HNMT: variants seen among roughly 807,000 people sequenced by gnomAD.
The protein encoded by HNMT is histamine N-methyltransferase.
HNMT carries 30 observed loss-of-function variants against 32.1 expected under a neutral mutation model. The ratio of observed to expected loss-of-function variants is 0.93; its 90% CI spans 0.70 to 1.27. The LOEUF is 1.27. Ranked by LOEUF, HNMT falls within the 50% of genes most tolerant of loss-of-function variation. The pLI is 0.00. For synonymous variants in HNMT, 125 were observed against 119.0 expected (o/e 1.05, Z -0.33); for missense variants, 327 against 346.0 (o/e 0.95, Z 0.43).
At chr2:137,967,729 C>T (rs1273969615) in intron 1 of HNMT, 1 of 152,132 alleles carries the variant, frequency 6.6e-6, no homozygotes, top group African/African-American at 2.4e-5. Context: ...TCTTATATTT[C>T]CAGTTTGCTA....
intron 1 of HNMT, among the ~76,000 whole-genome samples, chr2:137,968,572 T>C (rs1680029009): frequency 6.6e-6 from 1 of 152,234 alleles, no homozygotes; most frequent in Admixed American, 6.5e-5. Context: ...AATAACTTGC[T>C]CAAGGTAACA....
chr2:138,009,750 T>G (rs901190317), intron 5 of HNMT, among the ~76,000 whole-genome samples: 4 of 152,064 alleles, frequency 2.6e-5, no homozygotes, highest in Non-Finnish European at 5.9e-5. Context: ...CTTTCAATGA[T>G]GTAGCTTCAA....
chr2:137,987,832 A>G (rs1020394350), intron 2 of HNMT, among the ~76,000 whole-genome samples: 1 of 152,132 alleles, frequency 6.6e-6, no homozygotes, highest in African/African-American at 2.4e-5. Flanking sequence ...AGATCAGGAA[A>G]GACAAGTGTG....
intron 2 of HNMT, among the ~76,000 whole-genome samples, chr2:137,977,124 A>C (rs1403417332): frequency 1.3e-5 from 2 of 152,228 alleles, no homozygotes; most frequent in East Asian, 3.8e-4. Context: ...AATGGGCTTA[A>C]ACAGGTAAAA....
chr2:138,010,287 T>C (rs751840800), intron 5 of HNMT, among the ~76,000 whole-genome samples: 3 of 151,534 alleles, frequency 2.0e-5, no homozygotes, highest in Non-Finnish European at 4.4e-5. Context: ...CCTTATGATA[T>C]CAGAACTACA....
intron 1 of HNMT, among the ~76,000 whole-genome samples, chr2:137,965,571 T>C (rs1679931607): frequency 6.6e-6 from 1 of 152,174 alleles, no homozygotes; most frequent in Non-Finnish European, 1.5e-5. Flanking sequence ...TTTAACATGA[T>C]TCAGATTTTA....
chr2:137,981,219 G>T, intron 2 of HNMT: 10 of 1,613,450 alleles, frequency 6.2e-6, no homozygotes, highest in South Asian at 1.1e-5. Context: ...CCTGCAGATT[G>T]TCTCATTCGG....
intron 2 of HNMT, among the ~76,000 whole-genome samples, chr2:137,983,833 G>A (rs985462240): frequency 6.6e-6 from 1 of 152,212 alleles, no homozygotes; most frequent in African/African-American, 2.4e-5. Flanking sequence ...CAGTAAAGGA[G>A]AATTTATAAC....
chr2:138,014,520 A>G lies in HNMT; in HGVS notation c.*390A>G, dbSNP rs1049701004. ...ATGCACTAATCAATACTTTGAACAC[A>G]AAGCCTGTGTTACTGATTTGGCCGT... On this transcript the variant is annotated 3_prime_UTR_variant, in exon 6 of 6. Coordinates refer to ENST00000280097, the MANE Select transcript of HNMT (RefSeq NM_006895.3). 1.9e-5 allele frequency: 3 copies of G among 159,272 alleles called. No homozygotes were observed. The highest frequency in any genetic ancestry group is 7.2e-5 in the African/African-American group (3 of 41,778). The allele number at this position is 159,272 out of a possible 1,614,324, so 9.9% of individuals were successfully genotyped here. A position where few individuals can be genotyped will look rare whatever the true frequency, so the allele number is the denominator to read the frequency against.
chr2:137,987,914 G>C (rs1228886482), intron 2 of HNMT, among the ~76,000 whole-genome samples: 1 of 152,072 alleles, frequency 6.6e-6, no homozygotes, highest in Non-Finnish European at 1.5e-5. Context: ...GCTGCTTCTG[G>C]GCTCTGTGGG....
intron 5 of HNMT, among the ~76,000 whole-genome samples, chr2:138,008,708 T>C (rs539549858): frequency 1.4e-3 from 211 of 152,082 alleles, no homozygotes; most frequent in African/African-American, 4.7e-3. Flanking sequence ...GGTGGTGGGA[T>C]AACTGGCTAG....
intron 2 of HNMT, among the ~76,000 whole-genome samples, chr2:137,977,280 G>A (rs957994591): frequency 7.9e-5 from 12 of 152,132 alleles, no homozygotes; most frequent in African/African-American, 2.9e-4. Context: ...GGGCAAATTT[G>A]TATCTTGCCA....
chr2:138,013,145 C>A (rs1681560252), intron 5 of HNMT, among the ~76,000 whole-genome samples: 1 of 152,096 alleles, frequency 6.6e-6, no homozygotes, highest in South Asian at 2.1e-4. Flanking sequence ...AGTCCTAAGC[C>A]ACCTTTCAAG....
At chr2:137,987,209 T>C (rs1017183730) in intron 2 of HNMT, among the ~76,000 whole-genome samples, 7 of 152,084 alleles carry the variant, frequency 4.6e-5, no homozygotes, top group African/African-American at 1.7e-4. Flanking sequence ...GGGTCAAAAA[T>C]AAGTAGCCTT....
chr2:137,992,382 C>G (rs1241581079), intron 2 of HNMT, among the ~76,000 whole-genome samples: 1 of 152,226 alleles, frequency 6.6e-6, no homozygotes, highest in Non-Finnish European at 1.5e-5. Flanking sequence ...CTGTTGGAGA[C>G]AGGGAGGCTG....
intron 2 of HNMT, 57 bp from the exon 3 acceptor site, chr2:138,000,861 G>A: frequency 1.1e-6 from 1 of 933,544 alleles, no homozygotes; most frequent in Non-Finnish European, 1.7e-6. Context: ...AGCTAAAATT[G>A]TTTTTAATCA....
chr2:137,992,838 C>T lies in HNMT; in HGVS notation c.191-8080C>T, dbSNP rs1355785560. Reference sequence around the variant, plus strand: ...AGTCCCAGAAGAAGAAGCAGGCACTCATCTTTGCTGTTCTCCAGCCTCTTT... The same window carrying T: ...AGTCCCAGAAGAAGAAGCAGGCACTTATCTTTGCTGTTCTCCAGCCTCTTT... On this transcript the variant is annotated intron_variant, in intron 2 of 5. Transcript: ENST00000280097. Among the ~76,000 whole-genome samples the T allele has an allele frequency of 2.0e-5, 3 of 152,172 alleles. No homozygotes were observed. The South Asian group carries it at 6.2e-4, about 31-fold the overall frequency.
chr2:137,987,553 C>T (rs1046644670), intron 2 of HNMT, among the ~76,000 whole-genome samples: 1 of 142,052 alleles, frequency 7.0e-6, no homozygotes, highest in Non-Finnish European at 1.5e-5. Context: ...ATAGTCATAA[C>T]ATTGTGGGTC....
At chr2:138,012,101 A>G (rs1020091596) in intron 5 of HNMT, among the ~76,000 whole-genome samples, 3 of 152,282 alleles carry the variant, frequency 2.0e-5, no homozygotes, top group South Asian at 4.1e-4. Context: ...CAAGAATGCA[A>G]TCAGTGGAAA....
Sources: allele counts gnomAD v4.1 joint callset (sites outside exome capture counted in the v4.1 genomes callset), GRCh38; gene constraint gnomAD v4.1.1; transcripts MANE v1.5; gene names NCBI Gene and HGNC (gene_info 2026-07-23, HGNC 2026-07-21).